The following ATP10B variants were observed in gnomAD, a reference collection of about 807,000 sequenced individuals.
ATP10B encodes the protein ATPase phospholipid transporting 10B (putative), also known as phospholipid-transporting ATPase VB.
ATP10B carries 122 observed loss-of-function variants against 141.2 expected under a neutral mutation model. The ratio of observed to expected loss-of-function variants is 0.86; its 90% CI spans 0.75 to 1.00. ATP10B has a LOEUF of 1.00. ATP10B is among the 50% of genes least tolerant of loss of function. ATP10B has a pLI of 0.00. For synonymous variants in ATP10B, 685 were observed against 692.0 expected (o/e 0.99, Z 0.16); for missense variants, 1,876 against 1,825.3 (o/e 1.03, Z -0.51).
the ATP10B span, among the ~76,000 whole-genome samples, chr5:160,920,250 C>T: frequency 9.3e-4 from 142 of 152,304 alleles, no homozygotes; most frequent in African/African-American, 3.3e-3. Context: ...GAATCGACAT[C>T]TTTCTAACTC....
upstream of ATP10B, among the ~76,000 whole-genome samples, chr5:160,855,747 T>C (rs1005908546): frequency 6.6e-6 from 1 of 151,912 alleles, no homozygotes; most frequent in African/African-American, 2.4e-5. Context: ...CTATGATCCA[T>C]TTTGAGTTAA....
At chr5:160,862,043 T>G in the ATP10B span, among the ~76,000 whole-genome samples, 1 of 151,964 alleles carries the variant, frequency 6.6e-6, no homozygotes, top group African/African-American at 2.4e-5. Context: ...TTGAAGTACA[T>G]GAAGAAATAT....
At chr5:160,807,632 G>A (rs574717576) in intron 1 of ATP10B, among the ~76,000 whole-genome samples, 2 of 152,208 alleles carry the variant, frequency 1.3e-5, no homozygotes, top group South Asian at 4.1e-4. Context: ...AACTGATGGA[G>A]GAAGGATGGA....
At chr5:160,634,185 A>G in intron 12 of ATP10B, 169 bp downstream of exon 12, 1 of 920,342 alleles carries the variant, frequency 1.1e-6, no homozygotes, top group East Asian at 2.4e-5. Context: ...AGTAATTGGA[A>G]CAGCCCTGAT....
chr5:160,799,429 T>C (rs1183913923), intron 1 of ATP10B, among the ~76,000 whole-genome samples: 1 of 152,254 alleles, frequency 6.6e-6, no homozygotes, highest in African/African-American at 2.4e-5. Context: ...GGTGACGCCA[T>C]GTGTTGTCCC....
chr5:160,905,120 T>A, the ATP10B span, among the ~76,000 whole-genome samples: 2 of 152,224 alleles, frequency 1.3e-5, no homozygotes, highest in Non-Finnish European at 2.9e-5. Context: ...TACATACTAC[T>A]GTATTGTTAG....
chr5:160,602,118 TA>T (rs1256455517), intron 21 of ATP10B, among the ~76,000 whole-genome samples: 5 of 151,830 alleles, frequency 3.3e-5, no homozygotes, highest in South Asian at 4.2e-4. Flanking sequence ...GCAACAATAA[TA>T]AAAAAAAGGC....
the ATP10B span, among the ~76,000 whole-genome samples, chr5:160,916,997 T>G: frequency 6.6e-6 from 1 of 152,186 alleles, no homozygotes; most frequent in South Asian, 2.1e-4. Flanking sequence ...CGTGCAAGTG[T>G]ACGTGTGTGC....
intron 24 of ATP10B, among the ~76,000 whole-genome samples, chr5:160,574,104 C>T (rs1422938377): frequency 6.6e-6 from 1 of 152,162 alleles, no homozygotes; most frequent in East Asian, 1.9e-4. Flanking sequence ...TTAACACACT[C>T]CCAAAATGAC....
intron 24 of ATP10B, among the ~76,000 whole-genome samples, chr5:160,581,446 T>C (rs12514929): frequency 0.054 from 8,187 of 152,286 alleles, 275 homozygotes; most frequent in South Asian, 0.075. Flanking sequence ...AGTTTCCATG[T>C]AGTTGTTCAG....
At chr5:160,673,122 C>G (rs945576161) in intron 6 of ATP10B, among the ~76,000 whole-genome samples, 1 of 152,208 alleles carries the variant, frequency 6.6e-6, no homozygotes, top group African/African-American at 2.4e-5. Flanking sequence ...ATCCAAATGA[C>G]TATTGAGACC....
At chr5:160,785,354 T>C (rs1003524456) in intron 2 of ATP10B, among the ~76,000 whole-genome samples, 4 of 152,170 alleles carry the variant, frequency 2.6e-5, no homozygotes, top group African/African-American at 9.6e-5. Flanking sequence ...ACCATTTACT[T>C]GGCATCTGAC....
chr5:160,726,810 T>A (rs1331533089), intron 2 of ATP10B, among the ~76,000 whole-genome samples: 2 of 152,124 alleles, frequency 1.3e-5, no homozygotes, highest in Non-Finnish European at 2.9e-5. Flanking sequence ...TGCCTCCCAT[T>A]CTAACAAACT....
chr5:160,877,099 C>T, the ATP10B span, among the ~76,000 whole-genome samples: 1 of 152,076 alleles, frequency 6.6e-6, no homozygotes, highest in African/African-American at 2.4e-5. Flanking sequence ...AATTTTAGAC[C>T]AATATCCTTG....
At chr5:160,911,582 A>T in the ATP10B span, among the ~76,000 whole-genome samples, 2 of 152,360 alleles carry the variant, frequency 1.3e-5, no homozygotes, top group South Asian at 4.1e-4. Flanking sequence ...ATGATCAGGC[A>T]TATTGAAACT....
intron 1 of ATP10B, among the ~76,000 whole-genome samples, chr5:160,820,165 C>G (rs1022999757): frequency 6.6e-6 from 1 of 150,826 alleles, no homozygotes; most frequent in Non-Finnish European, 1.5e-5. Context: ...AGGGAAGACT[C>G]AAATAAAATC....
At chr5:160,625,705 T>C (rs1758574042) in intron 13 of ATP10B, among the ~76,000 whole-genome samples, 1 of 152,196 alleles carries the variant, frequency 6.6e-6, no homozygotes, top group Admixed American at 6.5e-5. Context: ...CTTCAAGTTA[T>C]TTAGTCCATT....
In ATP10B at chr5:160,759,258, C is replaced by T. The variant is rs1041790101; in HGVS notation, c.-331+26301G>A. Among the ~76,000 whole-genome samples the T allele has an allele frequency of 1.1e-4, 16 of 152,220 alleles. 1 individual carries two copies. Among genetic ancestry groups the T allele is most frequent in the African/African-American group, 2.9e-4 (12 of 41,544 alleles). On this transcript the variant is annotated intron_variant, in intron 2 of 25. Coordinates refer to ENST00000327245, the MANE Select transcript of ATP10B (RefSeq NM_025153.3). ...ATTTTGTATGCTTCATAAGAAAAGT[C>T]CTGGCTGGTATCTGTCTGGTGGATC...
chr5:160,584,875 G>T (rs916698887), intron 24 of ATP10B, among the ~76,000 whole-genome samples: 1 of 151,984 alleles, frequency 6.6e-6, no homozygotes, highest in African/African-American at 2.4e-5. Flanking sequence ...CAGGTTTTTT[G>T]AAGACAATTA....
Sources: allele counts gnomAD v4.1 joint callset (sites outside exome capture counted in the v4.1 genomes callset), GRCh38; gene constraint gnomAD v4.1.1; transcripts MANE v1.5; gene names NCBI Gene and HGNC (gene_info 2026-07-23, HGNC 2026-07-21).